The following TRHDE variants were observed in gnomAD, a reference collection of about 807,000 sequenced individuals.
TRHDE encodes the protein thyrotropin-releasing hormone-degrading ectoenzyme.
A neutral mutation model predicts 125.7 loss-of-function variants in TRHDE; 72 were observed. The observed-to-expected ratio is 0.57, with a 90% CI of 0.47 to 0.70. The LOEUF (loss-of-function observed/expected upper bound fraction) is 0.70, where lower values mean the gene tolerates loss of function less well. TRHDE is among the 30% of genes least tolerant of loss of function. The pLI, the probability that TRHDE is intolerant of heterozygous loss-of-function variation, is 0.00. For synonymous variants in TRHDE, 509 were observed against 509.1 expected, an observed-to-expected ratio of 1.00 and a Z score of 0.00; for missense variants, 1,110 against 1,327.1, an observed-to-expected ratio of 0.84 and a Z score of 2.54.
chr12:72,390,793 T>C (rs1872586500), intron 3 of TRHDE, among the ~76,000 whole-genome samples: 1 of 152,126 alleles, frequency 6.6e-6, no homozygotes, highest in South Asian at 2.1e-4. Flanking sequence ...CATTTTGCAT[T>C]GAAGTCTTAT....
chr12:72,224,118 C>G (rs61924319), intron 2 of TRHDE, among the ~76,000 whole-genome samples: 104 of 65,730 alleles, frequency 1.6e-3, no homozygotes, highest in African/African-American at 4.6e-3. Context: ...ATCTATCTAT[C>G]TATCTATCTA....
chr12:72,218,953 T>G (rs1390634905), intron 2 of TRHDE, among the ~76,000 whole-genome samples: 1 of 152,150 alleles, frequency 6.6e-6, no homozygotes, highest in Admixed American at 6.6e-5. Flanking sequence ...TAACCCCTTA[T>G]CCCTTAGTTT....
Position 72,357,723 on chromosome 12 carries a change from T to C in TRHDE, c.1189-20272T>C, listed in dbSNP as rs190123389. Among the ~76,000 whole-genome samples the C allele has an allele frequency of 6.0e-3, 915 of 151,664 alleles. 8 individuals are homozygous for C. Among genetic ancestry groups the C allele is most frequent in the African/African-American group, 0.021 (856 of 41,494 alleles). ...CTAAACAAGTAGATTATAGTAGCTC[T>C]TGTCAAAGGGGAAAAATGGGTAACT... On this transcript the variant is annotated intron_variant, in intron 2 of 18. Coordinates refer to ENST00000261180, the MANE Select transcript of TRHDE (RefSeq NM_013381.3).
In TRHDE at chr12:72,478,937, A is replaced by C. The variant is rs552541416; in HGVS notation, c.1584+5757A>C. 5.0e-4 allele frequency among the ~76,000 whole-genome samples: 76 copies of C among 151,136 alleles called. 1 individual carries two copies. In the East Asian group the frequency reaches 6.6e-3, roughly 13 times the overall value. On this transcript the variant is annotated intron_variant, in intron 5 of 18. Coordinates refer to ENST00000261180, the MANE Select transcript of TRHDE (RefSeq NM_013381.3). ...TTTTTTTTAGCAAAAAAAAAAAAAA[A>C]AAAACAAAAACAGTTAAAATGAGAG...
intron 2 of TRHDE, among the ~76,000 whole-genome samples, chr12:72,190,604 A>G (rs1417983516): frequency 6.6e-6 from 1 of 152,204 alleles, no homozygotes; most frequent in Non-Finnish European, 1.5e-5. Flanking sequence ...ACTTCTAATA[A>G]TGGGCTCAGA....
At chr12:72,524,103 CAAAG>C (rs1868292926) in intron 6 of TRHDE, among the ~76,000 whole-genome samples, 1 of 152,052 alleles carries the variant, frequency 6.6e-6, no homozygotes, top group Admixed American at 6.6e-5. Flanking sequence ...GGAAGAAAAG[CAAAG>C]AAAGAAATCA....
intron 3 of TRHDE, among the ~76,000 whole-genome samples, chr12:72,439,007 T>G (rs562788749): frequency 7.9e-5 from 12 of 152,120 alleles, no homozygotes; most frequent in African/African-American, 2.9e-4. Context: ...ATTTTATTTT[T>G]TCACATGTGA....
Position 72,405,300 on chromosome 12 carries a change from T to C in TRHDE, c.1315+27179T>C, listed in dbSNP as rs570881101. Among the ~76,000 whole-genome samples, 8 of 152,330 alleles carry C rather than the reference T, an allele frequency of 5.3e-5. No individual in the cohort carries two copies. The South Asian group carries it at 1.7e-3, about 32-fold the overall frequency. On this transcript the variant is annotated intron_variant, in intron 3 of 18. Transcript: ENST00000261180. ...GTTTAATTTTTTATCTATGAACTTG[T>C]AGAATATTTGTTTATAACTTGCCTA...
At chr12:72,572,728 G>T (rs894115534) in intron 10 of TRHDE, among the ~76,000 whole-genome samples, 4 of 151,780 alleles carry the variant, frequency 2.6e-5, no homozygotes, top group African/African-American at 9.7e-5. Flanking sequence ...CTGGTCAGAT[G>T]GTGTAGAAGG....
intron 12 of TRHDE, among the ~76,000 whole-genome samples, chr12:72,595,003 T>G (rs1871866834): frequency 6.6e-6 from 1 of 150,626 alleles, no homozygotes. Flanking sequence ...CTCAGTAAAC[T>G]ATTGCAAGGA....
intron 5 of TRHDE, among the ~76,000 whole-genome samples, chr12:72,480,708 A>G (rs908980834): frequency 1.3e-5 from 2 of 152,100 alleles, no homozygotes; most frequent in Admixed American, 6.6e-5. Context: ...CCTTTCTCAT[A>G]TCTAGAAATA....
intron 2 of TRHDE, among the ~76,000 whole-genome samples, chr12:72,164,225 A>G (rs964998052): frequency 8.5e-5 from 13 of 152,234 alleles, no homozygotes; most frequent in Non-Finnish European, 1.9e-4. Flanking sequence ...AAAGACAGAC[A>G]TGTTGCCATT....
intron 2 of TRHDE, among the ~76,000 whole-genome samples, chr12:72,198,147 A>G (rs1877481697): frequency 6.6e-6 from 1 of 152,114 alleles, no homozygotes; most frequent in Admixed American, 6.6e-5. Flanking sequence ...TCAATACTTC[A>G]TTCCTTTTAT....
In TRHDE at chr12:72,333,069, G is replaced by A. The variant is rs187953591; in HGVS notation, c.1189-44926G>A. 1.2e-4 allele frequency among the ~76,000 whole-genome samples: 19 copies of A among 152,294 alleles called. No individual in the cohort carries two copies. The East Asian group carries it at 2.5e-3, about 20-fold the overall frequency. On this transcript the variant is annotated intron_variant, in intron 2 of 18. Coordinates refer to ENST00000261180, the MANE Select transcript of TRHDE (RefSeq NM_013381.3). The stretch of plus-strand genomic sequence containing the variant: ...TAAAATTAGGAATTTATGAGGATGC[G>A]AAGGAAATAAAATCCTTGACTAATG...
chr12:72,599,100 T>C (rs942727088), intron 12 of TRHDE, among the ~76,000 whole-genome samples: 1 of 152,128 alleles, frequency 6.6e-6, no homozygotes, highest in African/African-American at 2.4e-5. Flanking sequence ...ATGGTGTATA[T>C]GTACTATATT....
chr12:72,119,873 G>C (rs1487977301), intron 2 of TRHDE, among the ~76,000 whole-genome samples: 3 of 152,002 alleles, frequency 2.0e-5, no homozygotes, highest in Non-Finnish European at 4.4e-5. Flanking sequence ...CATTGTCATG[G>C]AATATGTTTT....
At chr12:72,368,377 A>T (rs1440612736) in intron 2 of TRHDE, among the ~76,000 whole-genome samples, 2 of 152,152 alleles carry the variant, frequency 1.3e-5, no homozygotes, top group Non-Finnish European at 2.9e-5. Flanking sequence ...TATTGCAATT[A>T]TATATGTATT....
chr12:72,536,768 C>A (rs1468770785), intron 6 of TRHDE, among the ~76,000 whole-genome samples: 1 of 151,976 alleles, frequency 6.6e-6, no homozygotes, highest in African/African-American at 2.4e-5. Context: ...TCTCCTAGAC[C>A]ATAAACATGT....
chr12:72,606,761 G>C (rs1341517441), intron 12 of TRHDE, among the ~76,000 whole-genome samples: 1 of 152,056 alleles, frequency 6.6e-6, no homozygotes, highest in African/African-American at 2.4e-5. Flanking sequence ...TGAAACTGCT[G>C]TATCAGTCAT....
Sources: gnomAD v4.1 joint callset for allele counts (sites outside exome capture counted in the v4.1 genomes callset) on GRCh38, gnomAD v4.1.1 for gene constraint, MANE v1.5 for transcripts, NCBI Gene and HGNC (gene_info 2026-07-23, HGNC 2026-07-21) for gene names.